Variants in PDS5B observed in about 807,000 individuals in gnomAD.
PDS5B encodes sister chromatid cohesion protein PDS5 homolog B.
A neutral mutation model predicts 184.1 loss-of-function variants in PDS5B; 51 were observed. The ratio of observed to expected loss-of-function variants is 0.28; its 90% CI spans 0.22 to 0.35. PDS5B has a LOEUF of 0.35. PDS5B is among the 10% of genes least tolerant of loss of function. The probability of loss-of-function intolerance (pLI) is 1.00; values close to 1 mark genes in which losing one functional copy is unlikely to be tolerated. For synonymous variants in PDS5B, 566 were observed against 569.2 expected, an observed-to-expected ratio of 0.99 and a Z score of 0.08; for missense variants, 1,180 against 1,723.3, an observed-to-expected ratio of 0.68 and a Z score of 5.58.
At chr13:32,763,844 A>T (rs918258829) in intron 30 of PDS5B, among the ~76,000 whole-genome samples, 2 of 152,146 alleles carry the variant, frequency 1.3e-5, no homozygotes, top group Non-Finnish European at 2.9e-5. Context: ...AGACAATTGG[A>T]TATGTGAGTT....
rs750427249 is a variant in PDS5B at position 32,675,830 on chromosome 13, G to A, written c.847-14G>A. 9 of 1,482,620 alleles carry A rather than the reference G, an allele frequency of 6.1e-6. No individual in the cohort carries two copies. In the South Asian group the frequency reaches 1.0e-4, roughly 17 times the overall value. 91.8% of individuals were successfully genotyped at this position (1,482,620 alleles called of 1,614,324 possible). The stretch of plus-strand genomic sequence containing the variant: ...ACTGCATGGTTTTAAAGCTGTGATT[G>A]TGTTTTATTTTAGAGCAATGATAAT... On this transcript the variant is annotated splice_polypyrimidine_tract_variant and intron_variant, in intron 8 of 34. Transcript: ENST00000315596.
In PDS5B at chr13:32,613,627, A is replaced by G. The variant is rs150932759; in HGVS notation, c.-20+27034A>G. Reference sequence around the variant, plus strand: ...GTTGTAATAAAGCTTTATATATTCTAGATACAAGTGCCTTATCATATATAT... The same window carrying G: ...GTTGTAATAAAGCTTTATATATTCTGGATACAAGTGCCTTATCATATATAT... On this transcript the variant is annotated intron_variant, in intron 1 of 34. Transcript: ENST00000315596. Among the ~76,000 whole-genome samples, 15 of 152,316 alleles carry G rather than the reference A, an allele frequency of 9.8e-5. No homozygotes were observed. The East Asian group carries it at 2.7e-3, about 27-fold the overall frequency.
intron 1 of PDS5B, among the ~76,000 whole-genome samples, chr13:32,633,733 T>C (rs527407829): frequency 7.2e-5 from 11 of 152,340 alleles, no homozygotes; most frequent in Non-Finnish European, 1.2e-4. Flanking sequence ...TTACTCATTA[T>C]TAATATTTTA....
intron 13 of PDS5B, chr13:32,688,856 T>C: frequency 5.9e-6 from 2 of 341,812 alleles, no homozygotes; most frequent in Non-Finnish European, 1.1e-5. Context: ...GATGTACCTA[T>C]TCTTTTTTAT....
chr13:32,642,198 C>T (rs1950113916), intron 1 of PDS5B, among the ~76,000 whole-genome samples: 1 of 152,166 alleles, frequency 6.6e-6, no homozygotes, highest in Non-Finnish European at 1.5e-5. Flanking sequence ...CTGTGTCTAG[C>T]TCTACTTTTT....
At chr13:32,750,784 C>T (rs112939885) in intron 24 of PDS5B, among the ~76,000 whole-genome samples, 7,086 of 152,018 alleles carry the variant, frequency 0.047, 469 homozygotes, top group African/African-American at 0.15. Flanking sequence ...TCAGGTGATC[C>T]ACTTGCCTTG....
At position 32,741,010 on chromosome 13, in the gene PDS5B, GCT is replaced by G; in HGVS notation, c.2407-69_2407-68del. On this transcript the variant is annotated intron_variant, in intron 21 of 34. Coordinates refer to ENST00000315596, the MANE Select transcript of PDS5B (RefSeq NM_015032.4). ...TACAGATTTCATTCATTTTCTAAGT[GCT>G]AATTGAAAAGAATTCATATTTACAT... is the stretch of plus-strand genomic sequence containing the variant. The G allele has an allele frequency of 3.4e-6, 3 of 870,692 alleles. No homozygotes were observed. The South Asian group carries it at 4.4e-5, about 13-fold the overall frequency. 53.9% of individuals were successfully genotyped at this position (870,692 alleles called of 1,614,324 possible).
chr13:32,753,860 C>T (rs1321812463), intron 25 of PDS5B, among the ~76,000 whole-genome samples: 1 of 152,076 alleles, frequency 6.6e-6, no homozygotes, highest in Non-Finnish European at 1.5e-5. Context: ...GAAAAAAGTA[C>T]AAGACTTTGA....
rs950167609 is a variant in PDS5B at position 32,731,829 on chromosome 13, C to T, written c.2124-272C>T. ...TAAAAAGAGAGAGGCCTGTTGGGAG[C>T]GGCGTTAACAGGAGAGTGTGAGTCA... is the stretch of plus-strand genomic sequence containing the variant. On this transcript the variant is annotated intron_variant, in intron 19 of 34. Transcript: ENST00000315596. Among the ~76,000 whole-genome samples the T allele has an allele frequency of 4.6e-5, 7 of 152,080 alleles. No homozygotes were observed. The East Asian group carries it at 9.6e-4, about 21-fold the overall frequency.
chr13:32,586,917 GGGCGGC>G (rs1301364484), intron 1 of PDS5B, among the ~76,000 whole-genome samples: 5 of 143,206 alleles, frequency 3.5e-5, no homozygotes, highest in Admixed American at 6.9e-5. Flanking sequence ...ATCCCGGCCG[GGGCGGC>G]GGCGGCGGCG....
At chr13:32,755,303 A>C (rs767801893) in intron 25 of PDS5B, among the ~76,000 whole-genome samples, 1 of 152,148 alleles carries the variant, frequency 6.6e-6, no homozygotes, top group Non-Finnish European at 1.5e-5. Context: ...TTTAAACTAA[A>C]TAGCTGTTTC....
chr13:32,763,069 TC>T (rs1954464080), intron 30 of PDS5B, among the ~76,000 whole-genome samples: 1 of 152,172 alleles, frequency 6.6e-6, no homozygotes, highest in Non-Finnish European at 1.5e-5. Context: ...TCTTCCAAAT[TC>T]CGTCTGTTTA....
At chr13:32,672,074 T>G (rs1950952726) in intron 7 of PDS5B, among the ~76,000 whole-genome samples, 1 of 152,222 alleles carries the variant, frequency 6.6e-6, no homozygotes, top group African/African-American at 2.4e-5. Context: ...ATTTGGATTT[T>G]CCTTGTGTTT....
At position 32,673,370 on chromosome 13, in the gene PDS5B, A is replaced by G. The variant is rs1950984385; in HGVS notation, c.846+14A>G. ...TTTAAATTAAAGGTAACTTGTAAAA[A>G]TAATATGATTCTACCAACCAAGTTA... On this transcript the variant is annotated intron_variant, in intron 8 of 34. Coordinates refer to ENST00000315596, the MANE Select transcript of PDS5B (RefSeq NM_015032.4). 1.9e-6 allele frequency: 3 copies of G among 1,599,346 alleles called. No individual in the cohort carries two copies. In the South Asian group the frequency reaches 3.4e-5, roughly 18 times the overall value.
chr13:32,760,239 G>A (rs955455928), intron 29 of PDS5B, among the ~76,000 whole-genome samples: 3 of 152,204 alleles, frequency 2.0e-5, no homozygotes, highest in East Asian at 1.9e-4. Flanking sequence ...ACAGGCGTGA[G>A]CCACTGCACC....
chr13:32,628,496 C>T (rs528871577), intron 1 of PDS5B, among the ~76,000 whole-genome samples: 5 of 150,110 alleles, frequency 3.3e-5, no homozygotes, highest in Admixed American at 2.7e-4. Context: ...TGGAGTGAGC[C>T]GAGATCGTGC....
intron 1 of PDS5B, among the ~76,000 whole-genome samples, chr13:32,619,107 AGTT>A: frequency 6.6e-6 from 1 of 152,272 alleles, no homozygotes; most frequent in East Asian, 1.9e-4. Context: ...GTATTTCAGA[AGTT>A]GTTTGGCTGT....
chr13:32,611,233 T>C (rs2058136942), intron 1 of PDS5B, among the ~76,000 whole-genome samples: 1 of 152,162 alleles, frequency 6.6e-6, no homozygotes, highest in Non-Finnish European at 1.5e-5. Flanking sequence ...ATGTTTTACC[T>C]CATTTCTCAT....
intron 1 of PDS5B, among the ~76,000 whole-genome samples, chr13:32,628,279 A>C (rs949091952): frequency 2.0e-5 from 3 of 152,174 alleles, no homozygotes; most frequent in Non-Finnish European, 2.9e-5. Flanking sequence ...ATTTTGGGCT[A>C]GGTGTGGTGA....
Sources: gnomAD v4.1 joint callset for allele counts (sites outside exome capture counted in the v4.1 genomes callset) on GRCh38, gnomAD v4.1.1 for gene constraint, MANE v1.5 for transcripts, NCBI Gene and HGNC (gene_info 2026-07-23, HGNC 2026-07-21) for gene names.